The following ZNF385D variants were observed in gnomAD, a reference collection of about 807,000 sequenced individuals.
The protein encoded by ZNF385D is zinc finger protein 385D.
In ZNF385D, 15 loss-of-function variants were observed where a neutral mutation model predicts 35.8. That is an observed-to-expected ratio of 0.42 (90% CI 0.28 to 0.64). The LOEUF is 0.64. Among genes scored for constraint, ZNF385D ranks in the 30% least tolerant of loss-of-function variants. The pLI is 0.23. For missense variants in ZNF385D, 474 were observed against 494.6 expected, an observed-to-expected ratio of 0.96 and a Z score of 0.39; for synonymous variants, 212 against 186.8, an observed-to-expected ratio of 1.13 and a Z score of -1.10.
chr3:21,861,131 C>A (rs1376788630), intron 3 of ZNF385D, among the ~76,000 whole-genome samples: 1 of 152,106 alleles, frequency 6.6e-6, no homozygotes, highest in Non-Finnish European at 1.5e-5. Flanking sequence ...TGAGGTTGGC[C>A]AACTCACTGG....
intron 3 of ZNF385D, among the ~76,000 whole-genome samples, chr3:21,562,885 ATTG>A (rs879304921): frequency 0.014 from 1,022 of 75,568 alleles, 17 homozygotes; most frequent in South Asian, 0.072. Flanking sequence ...AGAATACTTT[ATTG>A]TTAAAATTAA....
At chr3:21,424,107 T>C (rs763652385) in intron 6 of ZNF385D, 43 bp from the exon 7 acceptor site, 10 of 1,500,906 alleles carry the variant, frequency 6.7e-6, no homozygotes, top group Non-Finnish European at 9.0e-6. Flanking sequence ...AAAAATCATC[T>C]GCAAAAACCT....
At chr3:21,681,014 A>G (rs1224825572) in intron 1 of ZNF385D, among the ~76,000 whole-genome samples, 1 of 152,062 alleles carries the variant, frequency 6.6e-6, no homozygotes, top group Non-Finnish European at 1.5e-5. Context: ...TATTTTTAAA[A>G]TGTTGTCTTC....
At position 21,511,159 on chromosome 3, in the gene ZNF385D, G is replaced by T; in HGVS notation, c.277-136C>A. 4 of 1,035,438 alleles carry T rather than the reference G, an allele frequency of 3.9e-6. No homozygotes were observed. In the South Asian group the frequency reaches 5.0e-5, roughly 13 times the overall value. The allele number at this position is 1,035,438 out of a possible 1,614,324, so 64.1% of individuals were successfully genotyped here. On this transcript the variant is annotated intron_variant, in intron 3 of 7. Transcript: ENST00000281523. ...ATTCTGGCCGTGGCCAGACAGTGGG[G>T]TTCTATTTAGAATGATGCTAGAAAG...
intron 3 of ZNF385D, among the ~76,000 whole-genome samples, chr3:21,847,110 T>C (rs1192367604): frequency 6.6e-6 from 1 of 152,028 alleles, no homozygotes; most frequent in East Asian, 1.9e-4. Flanking sequence ...TGTCAAAGAT[T>C]TCACCTCTGG....
chr3:22,195,481 T>C (rs1307165380), intron 2 of ZNF385D, among the ~76,000 whole-genome samples: 1 of 152,048 alleles, frequency 6.6e-6, no homozygotes, highest in East Asian at 1.9e-4. Context: ...TTTTATGTCA[T>C]ATATAAGAAC....
chr3:21,865,673 G>A (rs1355527297), intron 3 of ZNF385D, among the ~76,000 whole-genome samples: 2 of 152,124 alleles, frequency 1.3e-5, no homozygotes, highest in Non-Finnish European at 2.9e-5. Flanking sequence ...TGATCTTATA[G>A]TTTGAGGAAC....
chr3:21,740,233 C>T lies in ZNF385D; in HGVS notation c.22+10662G>A, dbSNP rs1014704395. Among the ~76,000 whole-genome samples, 3 of 152,058 alleles carry T rather than the reference C, an allele frequency of 2.0e-5. No individual in the cohort carries two copies. In the East Asian group the frequency reaches 5.8e-4, roughly 29 times the overall value. On this transcript the variant is annotated intron_variant, in intron 1 of 7. Coordinates refer to ENST00000281523, the MANE Select transcript of ZNF385D (RefSeq NM_024697.3). Reference sequence around the variant, plus strand: ...AGGTTGGAAACTTAGACCTGATTTCCCACATGTGCATAAAGTGGTAGCTCA... The same window carrying T: ...AGGTTGGAAACTTAGACCTGATTTCTCACATGTGCATAAAGTGGTAGCTCA...
At chr3:22,285,689 C>T (rs920507598) in intron 2 of ZNF385D, among the ~76,000 whole-genome samples, 13 of 152,024 alleles carry the variant, frequency 8.6e-5, no homozygotes, top group African/African-American at 2.9e-4. Flanking sequence ...CCCCTCTCCC[C>T]ACCCCACAGC....
chr3:22,203,980 C>T (rs1609175), intron 2 of ZNF385D, among the ~76,000 whole-genome samples: 91,576 of 151,808 alleles, frequency 0.6, 29,933 homozygotes, highest in African/African-American at 0.86. Context: ...CCTTAGGGCT[C>T]TGAGCAAACA....
intron 1 of ZNF385D, among the ~76,000 whole-genome samples, chr3:21,712,987 T>A (rs2068173506): frequency 6.6e-6 from 1 of 152,188 alleles, no homozygotes; most frequent in Admixed American, 6.5e-5. Flanking sequence ...TGGTGCCACT[T>A]TTTTGGACAT....
intron 3 of ZNF385D, among the ~76,000 whole-genome samples, chr3:22,003,181 A>T (rs767226573): frequency 6.6e-6 from 1 of 152,174 alleles, no homozygotes; most frequent in Non-Finnish European, 1.5e-5. Flanking sequence ...CAAAACCTAA[A>T]TATTCCACCC....
intron 3 of ZNF385D, among the ~76,000 whole-genome samples, chr3:22,165,995 T>A (rs1373335662): frequency 6.6e-6 from 1 of 152,182 alleles, no homozygotes; most frequent in African/African-American, 2.4e-5. Flanking sequence ...TCTCAGATAA[T>A]GTGATTGACA....
chr3:22,238,653 G>C lies in ZNF385D; in HGVS notation c.107-69618C>G, dbSNP rs1231970786. Among the ~76,000 whole-genome samples, 2 of 150,694 alleles carry C rather than the reference G, an allele frequency of 1.3e-5. 1 individual carries two copies. Among genetic ancestry groups the C allele is most frequent in the African/African-American group, 4.9e-5 (2 of 40,672 alleles). ...TGATCTTTTATCCTTCAATCTTACA[G>C]AACTCATTTATTAGCTCTAATGGTT... On this transcript the variant is annotated intron_variant, in intron 2 of 5. Transcript: ENST00000494108.
chr3:21,931,588 A>T (rs1701010621), intron 3 of ZNF385D, among the ~76,000 whole-genome samples: 1 of 152,296 alleles, frequency 6.6e-6, no homozygotes, highest in East Asian at 1.9e-4. Flanking sequence ...TCTCAGCAAT[A>T]AACAAGAATA....
chr3:21,872,933 T>C (rs1002137056), intron 3 of ZNF385D, among the ~76,000 whole-genome samples: 5 of 152,278 alleles, frequency 3.3e-5, no homozygotes, highest in South Asian at 2.1e-4. Flanking sequence ...TCAATGGCTT[T>C]GGTGTGCATC....
chr3:21,791,494 C>G (rs2071924489), intron 3 of ZNF385D, among the ~76,000 whole-genome samples: 1 of 152,290 alleles, frequency 6.6e-6, no homozygotes, highest in African/African-American at 2.4e-5. Flanking sequence ...GAACTCCTTT[C>G]CCCAAGAAGA....
intron 3 of ZNF385D, among the ~76,000 whole-genome samples, chr3:22,074,997 A>T (rs1216948889): frequency 6.6e-6 from 1 of 151,928 alleles, no homozygotes; most frequent in Non-Finnish European, 1.5e-5. Flanking sequence ...TGAGAATCAT[A>T]TTTAAGTTAG....
intron 3 of ZNF385D, among the ~76,000 whole-genome samples, chr3:22,096,277 A>G (rs950834636): frequency 6.6e-6 from 1 of 151,972 alleles, no homozygotes; most frequent in Non-Finnish European, 1.5e-5. Flanking sequence ...TGCACAATAT[A>G]CCCAGGTATC....
Sources: gnomAD v4.1 joint callset for allele counts (sites outside exome capture counted in the v4.1 genomes callset) on GRCh38, gnomAD v4.1.1 for gene constraint, MANE v1.5 for transcripts, NCBI Gene and HGNC (gene_info 2026-07-23, HGNC 2026-07-21) for gene names.